Variants in SHISA9 observed in about 807,000 individuals in gnomAD.
The protein encoded by SHISA9 is protein shisa-9.
In SHISA9, 13 loss-of-function variants were observed where a neutral mutation model predicts 38.0. The observed-to-expected ratio is 0.34, with a 90% confidence interval of 0.22 to 0.54. SHISA9 has a LOEUF of 0.54. Ranked by LOEUF, SHISA9 falls within the 20% of genes least tolerant of loss-of-function variation. The probability of loss-of-function intolerance (pLI) is 0.91; values close to 1 mark genes in which losing one functional copy is unlikely to be tolerated. For synonymous variants in SHISA9, 275 were observed against 242.0 expected (o/e 1.14, Z -1.27); for missense variants, 538 against 575.8 (o/e 0.93, Z 0.67).
chr16:13,020,231 G>A (rs1399665318), intron 2 of SHISA9, among the ~76,000 whole-genome samples: 1 of 151,568 alleles, frequency 6.6e-6, no homozygotes, highest in East Asian at 1.9e-4. Flanking sequence ...TCACCATGTT[G>A]GCCAGGCTTG....
chr16:13,200,358 A>G lies in SHISA9; in HGVS notation c.692-3036A>G, dbSNP rs543991030. Among the ~76,000 whole-genome samples the G allele has an allele frequency of 2.1e-4, 32 of 151,940 alleles. No individual in the cohort carries two copies. The South Asian group carries it at 6.2e-3, about 30-fold the overall frequency. On this transcript the variant is annotated intron_variant, in intron 2 of 4. Transcript: ENST00000558583. ...TTGTGTTTCCCCGGAAGTCACTAAGATAAGGACTTTGCACAAAAACAGTAG... is the reference window on the plus strand; with the variant it reads ...TTGTGTTTCCCCGGAAGTCACTAAGGTAAGGACTTTGCACAAAAACAGTAG...
the SHISA9 span, among the ~76,000 whole-genome samples, chr16:13,533,174 C>T: frequency 6.6e-6 from 1 of 152,208 alleles, no homozygotes; most frequent in African/African-American, 2.4e-5. Context: ...CTCATCATCC[C>T]TTGTCTGCTC....
At chr16:13,245,599 T>C in the SHISA9 span, among the ~76,000 whole-genome samples, 1 of 152,200 alleles carries the variant, frequency 6.6e-6, no homozygotes, top group South Asian at 2.1e-4. Context: ...TTGTGTTTTA[T>C]TTTTCGCCAC....
chr16:13,037,548 G>T (rs2073089357), intron 2 of SHISA9, among the ~76,000 whole-genome samples: 1 of 151,974 alleles, frequency 6.6e-6, no homozygotes, highest in African/African-American at 2.4e-5. Flanking sequence ...AGAGAATGGG[G>T]GCAGAGATGA....
intron 2 of SHISA9, among the ~76,000 whole-genome samples, chr16:13,088,229 G>C (rs74422476): frequency 2.8e-3 from 419 of 152,290 alleles, no homozygotes; most frequent in Admixed American, 5.8e-3. Flanking sequence ...CTGTGGCCTT[G>C]TAGTATAGTT....
intron 2 of SHISA9, among the ~76,000 whole-genome samples, chr16:13,003,082 A>C (rs1232833188): frequency 6.6e-6 from 1 of 152,202 alleles, no homozygotes; most frequent in Non-Finnish European, 1.5e-5. Flanking sequence ...GGAGGGAACA[A>C]CATGTGCAGA....
At chr16:13,261,275 A>T in the SHISA9 span, among the ~76,000 whole-genome samples, 1 of 152,186 alleles carries the variant, frequency 6.6e-6, no homozygotes, top group African/African-American at 2.4e-5. Context: ...AGAAGACTCT[A>T]GTCCGTCCAG....
At chr16:13,240,714 A>T (rs16961497), downstream of SHISA9, among the ~76,000 whole-genome samples, 2,277 of 152,350 alleles carry the variant, frequency 0.015, 21 homozygotes, top group Non-Finnish European at 0.02. Flanking sequence ...TTAATGGTCA[A>T]GAATCTTGCT....
chr16:13,275,820 C>T, the SHISA9 span, among the ~76,000 whole-genome samples: 2 of 151,902 alleles, frequency 1.3e-5, no homozygotes, highest in Non-Finnish European at 2.9e-5. Context: ...ACCTCTCTTT[C>T]CTTCCTGATT....
chr16:13,009,469 A>G (rs1030686168), intron 2 of SHISA9, among the ~76,000 whole-genome samples: 2 of 151,888 alleles, frequency 1.3e-5, no homozygotes, highest in African/African-American at 4.8e-5. Flanking sequence ...GAACTATATC[A>G]TTTCCTCCTC....
chr16:13,510,647 A>G, the SHISA9 span, among the ~76,000 whole-genome samples: 1 of 152,246 alleles, frequency 6.6e-6, no homozygotes, highest in African/African-American at 2.4e-5. Context: ...AGTTTTTTCC[A>G]GGCTTAGAAG....
chr16:12,915,029 C>A (rs536592108), intron 1 of SHISA9, among the ~76,000 whole-genome samples: 137 of 152,336 alleles, frequency 9.0e-4, no homozygotes, highest in African/African-American at 3.2e-3. Context: ...AGCTCCTCTT[C>A]CGACTCTGTC....
At chr16:13,077,594 C>G (rs548339851) in intron 2 of SHISA9, among the ~76,000 whole-genome samples, 13 of 152,246 alleles carry the variant, frequency 8.5e-5, no homozygotes, top group African/African-American at 3.1e-4. Context: ...CCAAAAGCCT[C>G]TAGTACATTT....
chr16:13,222,816 A>G, intron 4 of SHISA9, among the ~76,000 whole-genome samples: 1 of 64,994 alleles, frequency 1.5e-5, no homozygotes, highest in East Asian at 1.4e-3. Context: ...ATATATACAT[A>G]CACACACCAC....
At chr16:13,363,111 A>C in the SHISA9 span, among the ~76,000 whole-genome samples, 1 of 152,156 alleles carries the variant, frequency 6.6e-6, no homozygotes, top group Admixed American at 6.5e-5. Flanking sequence ...GAGATGAGAG[A>C]ATGTGGATTT....
At chr16:13,414,956 A>G in the SHISA9 span, among the ~76,000 whole-genome samples, 2 of 152,162 alleles carry the variant, frequency 1.3e-5, no homozygotes, top group African/African-American at 4.8e-5. Flanking sequence ...ATAGACAGCA[A>G]AAGGACAGCA....
At chr16:13,164,519 A>G (rs908660074) in intron 2 of SHISA9, among the ~76,000 whole-genome samples, 1 of 152,034 alleles carries the variant, frequency 6.6e-6, no homozygotes, top group Admixed American at 6.6e-5. Context: ...TTCCATCCTC[A>G]TCAATGTTTT....
chr16:13,321,909 T>C, the SHISA9 span, among the ~76,000 whole-genome samples: 1 of 152,364 alleles, frequency 6.6e-6, no homozygotes, highest in South Asian at 2.1e-4. Context: ...TTATGTCTTA[T>C]GGATTTGTGA....
At chr16:13,146,957 A>G (rs1421874431) in intron 2 of SHISA9, among the ~76,000 whole-genome samples, 2 of 152,258 alleles carry the variant, frequency 1.3e-5, no homozygotes, top group East Asian at 3.8e-4. Context: ...GGCACATTCT[A>G]GAGCCTAAAT....
Sources: allele counts gnomAD v4.1 joint callset (sites outside exome capture counted in the v4.1 genomes callset), GRCh38; gene constraint gnomAD v4.1.1; transcripts MANE v1.5; gene names NCBI Gene and HGNC (gene_info 2026-07-23, HGNC 2026-07-21).